DENND1A: variants seen among roughly 807,000 people sequenced by gnomAD.
The protein encoded by DENND1A is DENN domain containing 1A.
In DENND1A, 51 loss-of-function variants were observed where a neutral mutation model predicts 113.7. That is an observed-to-expected ratio of 0.45 (90% CI 0.36 to 0.57). The LOEUF is 0.57. Among genes scored for constraint, DENND1A ranks in the 20% least tolerant of loss-of-function variants. The probability of loss-of-function intolerance (pLI) is 0.00; values close to 1 mark genes in which losing one functional copy is unlikely to be tolerated. For missense variants in DENND1A, 1,258 were observed against 1,395.9 expected (o/e 0.90, Z 1.57); for synonymous variants, 565 against 570.8 (o/e 0.99, Z 0.14).
intron 2 of DENND1A, among the ~76,000 whole-genome samples, chr9:123,853,484 T>A (rs1482612137): frequency 6.6e-6 from 1 of 151,602 alleles, no homozygotes; most frequent in Non-Finnish European, 1.5e-5. Context: ...GCCAACCTGG[T>A]AAAACCCCAT....
intron 1 of DENND1A, among the ~76,000 whole-genome samples, chr9:123,924,849 G>C (rs573984435): frequency 1.5e-4 from 23 of 152,066 alleles, no homozygotes; most frequent in African/African-American, 5.6e-4. Flanking sequence ...CCTTCTGTCC[G>C]TTCCTGAAAT....
intron 21 of DENND1A, among the ~76,000 whole-genome samples, chr9:123,396,613 G>C (rs1395396442): frequency 1.3e-5 from 2 of 152,230 alleles, no homozygotes; most frequent in African/African-American, 2.4e-5. Flanking sequence ...AATGCTTCTG[G>C]CAGCTTCTTC....
At chr9:123,642,101 T>C (rs556834126) in intron 9 of DENND1A, among the ~76,000 whole-genome samples, 49 of 152,364 alleles carry the variant, frequency 3.2e-4, no homozygotes, top group Non-Finnish European at 1.5e-5. Flanking sequence ...AATGAACCTG[T>C]TGATACTCTG....
intron 13 of DENND1A, among the ~76,000 whole-genome samples, chr9:123,508,450 TAATAA>T (rs2053159824): frequency 6.6e-6 from 1 of 152,254 alleles, no homozygotes; most frequent in Non-Finnish European, 1.5e-5. Flanking sequence ...CTAGAAACTG[TAATAA>T]AATGAGCTGT....
chr9:123,402,135 T>G (rs2043521021), intron 21 of DENND1A, among the ~76,000 whole-genome samples: 1 of 152,192 alleles, frequency 6.6e-6, no homozygotes, highest in Non-Finnish European at 1.5e-5. Flanking sequence ...TCCCTCATGT[T>G]CCCACCAGGC....
At chr9:123,711,522 T>TATATATATATATATATAC (rs1564998453) in intron 5 of DENND1A, among the ~76,000 whole-genome samples, 98 of 142,804 alleles carry the variant, frequency 6.9e-4, no homozygotes, top group African/African-American at 2.5e-3. Flanking sequence ...TGTATATATA[T>TATATATATATATATATAC]ATATATATAT....
intron 2 of DENND1A, among the ~76,000 whole-genome samples, chr9:123,799,106 C>A (rs951212093): frequency 1.3e-5 from 2 of 152,034 alleles, no homozygotes; most frequent in Non-Finnish European, 2.9e-5. Flanking sequence ...TCCATATGGT[C>A]TTCATAAATA....
chr9:123,472,745 C>A (rs1470343066), intron 13 of DENND1A, among the ~76,000 whole-genome samples: 1 of 152,106 alleles, frequency 6.6e-6, no homozygotes, highest in East Asian at 1.9e-4. Flanking sequence ...AAGGTGTGAC[C>A]CTGCCCACCC....
chr9:123,417,019 G>A (rs1238497412), intron 19 of DENND1A, among the ~76,000 whole-genome samples: 1 of 152,214 alleles, frequency 6.6e-6, no homozygotes, highest in Non-Finnish European at 1.5e-5. Context: ...TTCACGAGTT[G>A]GTTCTGTCAT....
chr9:123,723,468 T>C (rs908380786), intron 5 of DENND1A, among the ~76,000 whole-genome samples: 2 of 152,176 alleles, frequency 1.3e-5, no homozygotes, highest in African/African-American at 4.8e-5. Context: ...TGATATGGTT[T>C]GGCTGCATTC....
intron 1 of DENND1A, among the ~76,000 whole-genome samples, chr9:123,917,198 C>A (rs1855313727): frequency 6.6e-6 from 1 of 151,972 alleles, no homozygotes; most frequent in African/African-American, 2.4e-5. Context: ...AACAAAACAA[C>A]AACAACAACA....
intron 1 of DENND1A, among the ~76,000 whole-genome samples, chr9:123,897,123 T>A (rs1177346575): frequency 6.6e-6 from 1 of 152,204 alleles, no homozygotes; most frequent in Non-Finnish European, 1.5e-5. Flanking sequence ...ACCCTGTCTC[T>A]CCACAACGAG....
intron 2 of DENND1A, among the ~76,000 whole-genome samples, chr9:123,807,410 T>C (rs1269468407): frequency 4.6e-5 from 7 of 152,246 alleles, no homozygotes; most frequent in African/African-American, 1.7e-4. Context: ...TTCTGTAATA[T>C]TCGCTACTTT....
intron 5 of DENND1A, among the ~76,000 whole-genome samples, chr9:123,682,264 C>A (rs547226335): frequency 6.6e-6 from 1 of 152,264 alleles, no homozygotes; most frequent in East Asian, 1.9e-4. Flanking sequence ...GGATGTAACA[C>A]TCAGGCACCA....
chr9:123,539,882 CAA>C (rs141372137), intron 13 of DENND1A, among the ~76,000 whole-genome samples: 77 of 90,654 alleles, frequency 8.5e-4, no homozygotes, highest in Middle Eastern at 5.8e-3. Flanking sequence ...GACTCCGTCT[CAA>C]AAAAAAAAAA....
At chr9:123,631,028 T>A (rs182694603) in intron 9 of DENND1A, among the ~76,000 whole-genome samples, 3 of 152,354 alleles carry the variant, frequency 2.0e-5, no homozygotes, top group Non-Finnish European at 2.9e-5. Context: ...TACCATTAAG[T>A]AATATCATCA....
chr9:123,685,513 T>C (rs2064754449), intron 5 of DENND1A, among the ~76,000 whole-genome samples: 1 of 152,202 alleles, frequency 6.6e-6, no homozygotes, highest in Non-Finnish European at 1.5e-5. Context: ...CTTATATAAA[T>C]CTACCCAAAC....
At chr9:123,555,947 T>C (rs777962517) in intron 13 of DENND1A, among the ~76,000 whole-genome samples, 6 of 152,126 alleles carry the variant, frequency 3.9e-5, no homozygotes, top group Admixed American at 1.3e-4. Context: ...AGCAAAGGAT[T>C]GGGCCAGTTG....
chr9:123,383,440 C>T lies in DENND1A; in HGVS notation c.2019+215G>A, dbSNP rs111460775. On this transcript the variant is annotated intron_variant, in intron 23 of 23. Coordinates refer to ENST00000394215, the MANE Select transcript of DENND1A (RefSeq NM_001352964.2). ...CACACAGAGTGGGGCAAGTTTCCAT[C>T]GGGCTCTAGCATCTTCTCCTACCGT... Among the ~76,000 whole-genome samples, 741 of 152,290 alleles carry T rather than the reference C, an allele frequency of 4.9e-3. 4 individuals are homozygous for T. Among genetic ancestry groups the T allele is most frequent in the African/African-American group, 0.016 (684 of 41,568 alleles).
Sources: allele counts gnomAD v4.1 joint callset (sites outside exome capture counted in the v4.1 genomes callset), GRCh38; gene constraint gnomAD v4.1.1; transcripts MANE v1.5; gene names NCBI Gene and HGNC (gene_info 2026-07-23, HGNC 2026-07-21).